The following SPATA18 variants were observed in gnomAD, a reference collection of about 807,000 sequenced individuals.
SPATA18 encodes spermatogenesis associated 18.
Under a neutral mutation model 68.1 loss-of-function variants are expected in SPATA18, and 54 were observed. The ratio of observed to expected loss-of-function variants is 0.79; its 90% confidence interval spans 0.64 to 0.99. SPATA18 has a LOEUF of 0.99. SPATA18 is among the 50% of genes least tolerant of loss of function. SPATA18 has a pLI of 0.00. For missense variants in SPATA18, 724 were observed against 681.1 expected (o/e 1.06, Z -0.70); for synonymous variants, 242 against 244.8 (o/e 0.99, Z 0.11).
chr4:52,082,517 T>C lies in SPATA18; in HGVS notation c.1479+7T>C. On this transcript the variant is annotated splice_region_variant and intron_variant, in intron 10 of 12. Coordinates refer to ENST00000295213, the MANE Select transcript of SPATA18 (RefSeq NM_145263.4). ...CACCAGGAGAGGGGCTTTTGTACGG[T>C]GGCCTTGCATAGTGACAATTCATCC... 4 of 1,614,082 alleles carry C rather than the reference T, an allele frequency of 2.5e-6. No individual in the cohort carries two copies. The highest frequency in any genetic ancestry group is 3.4e-6 in the Non-Finnish European group (4 of 1,179,952).
chr4:52,070,410 TG>T (rs1428128010), intron 5 of SPATA18, among the ~76,000 whole-genome samples: 1 of 152,150 alleles, frequency 6.6e-6, no homozygotes. Context: ...ATAATTTTTG[TG>T]GAAAAATATC....
rs945099164 is a variant in SPATA18 at position 52,095,494 on chromosome 4, G to A, written c.*607G>A. The A allele has an allele frequency of 6.6e-6, 1 of 152,164 alleles. No homozygotes were observed. The highest frequency in any genetic ancestry group is 1.5e-5 in the Non-Finnish European group (1 of 68,046). The allele number at this position is 152,164 out of a possible 1,614,324, so 9.4% of individuals were successfully genotyped here. A position where few individuals can be genotyped will look rare whatever the true frequency, so the allele number is the denominator to read the frequency against. Reference sequence around the variant, plus strand: ...ACAAATTATATTTATTGGTTGGCTTGCTTTTCCGTTCTGATTTTGAGAGTG... The same window carrying A: ...ACAAATTATATTTATTGGTTGGCTTACTTTTCCGTTCTGATTTTGAGAGTG... On this transcript the variant is annotated 3_prime_UTR_variant, in exon 13 of 13. Coordinates refer to ENST00000295213, the MANE Select transcript of SPATA18 (RefSeq NM_145263.4).
intron 3 of SPATA18, among the ~76,000 whole-genome samples, chr4:52,061,806 A>AT (rs1738882448): frequency 6.6e-6 from 1 of 151,936 alleles, no homozygotes; most frequent in Non-Finnish European, 1.5e-5. Context: ...TCATTAAGTA[A>AT]TTTTTTTTCC....
chr4:52,065,449 T>C (rs1165370155), intron 4 of SPATA18, among the ~76,000 whole-genome samples: 2 of 152,204 alleles, frequency 1.3e-5, no homozygotes, highest in Non-Finnish European at 2.9e-5. Context: ...CTTTGATCCA[T>C]CTTGAGTTGA....
At chr4:52,077,963 A>G (rs578027180) in intron 7 of SPATA18, among the ~76,000 whole-genome samples, 2 of 152,194 alleles carry the variant, frequency 1.3e-5, no homozygotes, top group Non-Finnish European at 2.9e-5. Flanking sequence ...GAAATACTGA[A>G]CTTTATCCTG....
Position 52,076,950 on chromosome 4 carries a change from T to C in SPATA18, c.930T>C (p.Tyr310=). 1.2e-6 allele frequency: 2 copies of C among 1,614,042 alleles called. No individual in the cohort carries two copies. Among genetic ancestry groups the C allele is most frequent in the Non-Finnish European group, 1.7e-6 (2 of 1,179,984 alleles). Residue 310 remains tyrosine, a synonymous_variant, in exon 7 of 13, where the codon TAT becomes TAC. Transcript: ENST00000295213. ...TCTTGTCCCGGTTCAGCGATTCCTATTCCCAGGCCCGCCTGGACGCGCAGT... is the reference window on the plus strand; with the variant it reads ...TCTTGTCCCGGTTCAGCGATTCCTACTCCCAGGCCCGCCTGGACGCGCAGT... ...AALLSRFSDS[Y]SQARLDAQCL...
intron 11 of SPATA18, among the ~76,000 whole-genome samples, chr4:52,092,095 G>A (rs1273163910): frequency 6.6e-6 from 1 of 152,214 alleles, no homozygotes; most frequent in Non-Finnish European, 1.5e-5. Flanking sequence ...GATTTCTGCT[G>A]TGCTGGCAGT....
At chr4:52,073,506 A>G (rs2109465334) in intron 6 of SPATA18, among the ~76,000 whole-genome samples, 1 of 152,292 alleles carries the variant, frequency 6.6e-6, no homozygotes, top group Admixed American at 6.5e-5. Flanking sequence ...TATGTGTGTG[A>G]AAACTGGGAA....
chr4:52,070,293 G>T (rs1350162964), intron 5 of SPATA18, among the ~76,000 whole-genome samples: 1 of 151,930 alleles, frequency 6.6e-6, no homozygotes, highest in Admixed American at 6.6e-5. Context: ...AAAAAATACT[G>T]CAGAAGTTAG....
At chr4:52,061,305 C>T (rs957851168) in intron 3 of SPATA18, among the ~76,000 whole-genome samples, 1 of 151,888 alleles carries the variant, frequency 6.6e-6, no homozygotes, top group Non-Finnish European at 1.5e-5. Flanking sequence ...GGGAACAACA[C>T]AGCAGGGCCT....
chr4:52,056,419 T>C (rs1738346458), intron 1 of SPATA18, among the ~76,000 whole-genome samples: 1 of 152,188 alleles, frequency 6.6e-6, no homozygotes, highest in African/African-American at 2.4e-5. Context: ...GGCATCCCAT[T>C]TGTAGGATTG....
Position 52,081,118 on chromosome 4 carries a change from C to A in SPATA18, c.1355+1199C>A, listed in dbSNP as rs187632655. 1.7e-3 allele frequency among the ~76,000 whole-genome samples: 255 copies of A among 152,288 alleles called. 1 individual carries two copies. The highest frequency in any genetic ancestry group is 5.0e-3 in the Admixed American group (76 of 15,298). The stretch of plus-strand genomic sequence containing the variant: ...CAGAGCACATTATCTTCATTTGTCT[C>A]CCTTTATTCCTTTCTCCTTTAGAGG... On this transcript the variant is annotated intron_variant, in intron 9 of 12. Transcript: ENST00000295213.
At chr4:52,058,637 C>T (rs1738559128) in intron 1 of SPATA18, among the ~76,000 whole-genome samples, 1 of 152,120 alleles carries the variant, frequency 6.6e-6, no homozygotes, top group Admixed American at 6.5e-5. Context: ...ATCTTATAAC[C>T]CAGGAATACT....
intron 1 of SPATA18, 63 bp from the exon 2 acceptor site, chr4:52,060,356 C>T (rs1738721724): frequency 7.2e-7 from 1 of 1,382,006 alleles, no homozygotes; most frequent in African/African-American, 1.4e-5. Flanking sequence ...AGGCCCTGGT[C>T]TGTCTGCAGT....
intron 11 of SPATA18, among the ~76,000 whole-genome samples, chr4:52,089,495 T>C (rs1004813038): frequency 1.3e-5 from 2 of 152,254 alleles, no homozygotes; most frequent in African/African-American, 4.8e-5. Context: ...TTCGTTCTCA[T>C]TGGTTTCAAA....
intron 1 of SPATA18, among the ~76,000 whole-genome samples, chr4:52,055,900 T>A (rs1234763002): frequency 6.6e-6 from 1 of 152,192 alleles, no homozygotes; most frequent in Non-Finnish European, 1.5e-5. Flanking sequence ...GCAGGAGACA[T>A]TGTGTCCCTA....
intron 4 of SPATA18, among the ~76,000 whole-genome samples, chr4:52,064,746 A>G (rs1739176685): frequency 1.3e-5 from 2 of 152,176 alleles, no homozygotes; most frequent in Non-Finnish European, 2.9e-5. Flanking sequence ...ATACATGTGC[A>G]TGTGTCCTTT....
intron 4 of SPATA18, among the ~76,000 whole-genome samples, chr4:52,068,549 G>C (rs1739523454): frequency 6.6e-6 from 1 of 152,202 alleles, no homozygotes; most frequent in Admixed American, 6.5e-5. Context: ...GGAGGAAGCA[G>C]GTGGGGGATG....
chr4:52,063,881 C>T (rs1470167145), intron 4 of SPATA18, among the ~76,000 whole-genome samples: 2 of 152,068 alleles, frequency 1.3e-5, no homozygotes, highest in Non-Finnish European at 2.9e-5. Context: ...GCAACGGCTG[C>T]AGATGACCCT....
Sources: gnomAD v4.1 joint callset for allele counts (sites outside exome capture counted in the v4.1 genomes callset) on GRCh38, gnomAD v4.1.1 for gene constraint, MANE v1.5 for transcripts, NCBI Gene and HGNC (gene_info 2026-07-23, HGNC 2026-07-21) for gene names.